The following NOS1 variants were observed in gnomAD, a reference collection of about 807,000 sequenced individuals.
NOS1 encodes the protein NOS type I.
In NOS1, 51 loss-of-function variants were observed where a neutral mutation model predicts 164.5. That is an observed-to-expected ratio of 0.31 (90% confidence interval 0.25 to 0.39). The LOEUF (loss-of-function observed/expected upper bound fraction) is 0.39. Among genes scored for constraint, NOS1 ranks in the 10% least tolerant of loss-of-function variants. The pLI is 1.00. For missense variants in NOS1, 1,362 were observed against 1,885.6 expected (o/e 0.72, Z 5.14); for synonymous variants, 719 against 745.8 (o/e 0.96, Z 0.59).
At chr12:117,230,878 G>T (rs967391676) in intron 22 of NOS1, among the ~76,000 whole-genome samples, 1 of 152,158 alleles carries the variant, frequency 6.6e-6, no homozygotes. Flanking sequence ...AATTTTGCAC[G>T]TTCTCATTCA....
chr12:117,332,939 A>C (rs816296), intron 1 of NOS1, among the ~76,000 whole-genome samples: 117,375 of 152,158 alleles, frequency 0.77, 45,699 homozygotes, highest in South Asian at 0.86. Context: ...GAAATGCTGG[A>C]ATCTTGCAAG....
chr12:117,244,412 A>G (rs1392233699), intron 18 of NOS1, among the ~76,000 whole-genome samples: 1 of 151,834 alleles, frequency 6.6e-6, no homozygotes, highest in African/African-American at 2.4e-5. Flanking sequence ...ATGCCCAGCT[A>G]ATTTTTAGTA....
chr12:117,225,787 G>A (rs1437533587), intron 24 of NOS1, among the ~76,000 whole-genome samples: 1 of 151,996 alleles, frequency 6.6e-6, no homozygotes, highest in Non-Finnish European at 1.5e-5. Flanking sequence ...CACCACCCTC[G>A]GCTACTTTTT....
intron 20 of NOS1, among the ~76,000 whole-genome samples, chr12:117,241,896 C>T (rs1870208380): frequency 6.6e-6 from 1 of 152,200 alleles, no homozygotes; most frequent in East Asian, 1.9e-4. Context: ...GTGACATTTC[C>T]AGCAGGACAG....
intron 2 of NOS1, among the ~76,000 whole-genome samples, chr12:117,327,804 G>C (rs1011434984): frequency 6.6e-6 from 1 of 152,170 alleles, no homozygotes; most frequent in Non-Finnish European, 1.5e-5. Flanking sequence ...AAAGGAGTAG[G>C]TTGGAGGGAA....
At chr12:117,297,137 C>T (rs1205251299) in intron 3 of NOS1, among the ~76,000 whole-genome samples, 1 of 152,220 alleles carries the variant, frequency 6.6e-6, no homozygotes, top group Admixed American at 6.5e-5. Flanking sequence ...AGTGAGTGAT[C>T]TTATCTCAGC....
chr12:117,316,169 A>G (rs929309812), intron 2 of NOS1, among the ~76,000 whole-genome samples: 1 of 152,150 alleles, frequency 6.6e-6, no homozygotes, highest in African/African-American at 2.4e-5. Context: ...CAGCCGCTGG[A>G]AACCTATTAA....
intron 20 of NOS1, among the ~76,000 whole-genome samples, chr12:117,240,136 A>C (rs1248194228): frequency 6.6e-6 from 1 of 152,200 alleles, no homozygotes; most frequent in African/African-American, 2.4e-5. Flanking sequence ...TTCTCATACA[A>C]TGCTACTTAA....
chr12:117,325,225 A>G (rs553366720), intron 2 of NOS1, among the ~76,000 whole-genome samples: 12 of 152,244 alleles, frequency 7.9e-5, no homozygotes, highest in African/African-American at 2.9e-4. Context: ...TGGAGAGGTC[A>G]CCGGGAGGAT....
At chr12:117,222,953 A>T (rs2135928143) in intron 25 of NOS1, 90 bp from the exon 26 acceptor site, 1 of 1,444,370 alleles carries the variant, frequency 6.9e-7, no homozygotes, top group East Asian at 2.3e-5. Flanking sequence ...CTGAGACCTT[A>T]GCGTGTGCCA....
At position 117,331,019 on chromosome 12, in the gene NOS1, A is replaced by G; in HGVS notation, c.51T>C (p.Ser17=). The part of the protein sequence containing the change: ...GVQQIQPNVI[S]VRLFKRKVGG... ...CAACTTTGCGCTTGAAGAGACGAAC[A>G]GAAATGACATTGGGCTGGATTTGCT... The change falls in exon 2 of 29, where the codon TCT becomes TCC. Residue 17 remains serine, a synonymous_variant. Coordinates refer to ENST00000317775, the MANE Select transcript of NOS1 (RefSeq NM_000620.5). 6.2e-7 allele frequency: 1 copy of G among 1,614,170 alleles called. No homozygotes were observed. Among genetic ancestry groups the G allele is most frequent in the Non-Finnish European group, 8.5e-7 (1 of 1,180,000 alleles).
intron 7 of NOS1, among the ~76,000 whole-genome samples, chr12:117,284,190 G>A (rs1873916100): frequency 6.6e-6 from 1 of 152,216 alleles, no homozygotes. Context: ...CCGGGCGCTT[G>A]TGGGAATATC....
chr12:117,279,196 G>A (rs1314051601), intron 8 of NOS1, among the ~76,000 whole-genome samples: 5 of 151,824 alleles, frequency 3.3e-5, no homozygotes, highest in Non-Finnish European at 1.5e-5. Context: ...GGCCAACATG[G>A]TGAAACCCTA....
At chr12:117,357,944 C>T (rs1386641318) in intron 1 of NOS1, among the ~76,000 whole-genome samples, 3 of 152,296 alleles carry the variant, frequency 2.0e-5, no homozygotes, top group East Asian at 3.9e-4. Flanking sequence ...AAAATGGGTC[C>T]TGAAATGCCA....
chr12:117,227,258 T>G (rs1012591449), intron 23 of NOS1, among the ~76,000 whole-genome samples, 173 bp downstream of exon 23: 1 of 152,172 alleles, frequency 6.6e-6, no homozygotes, highest in Non-Finnish European at 1.5e-5. Context: ...CAGGCTTGGC[T>G]CTGCACCAGG....
chr12:117,226,785 A>G lies in NOS1; in HGVS notation c.3617-15T>C, dbSNP rs1230993733. ...TCCTTCTCCATCTAGTAGAATAACC[A>G]AGGCAGTCAGGGCCACCCACTGCTC... is the stretch of plus-strand genomic sequence containing the variant. On this transcript the variant is annotated splice_polypyrimidine_tract_variant and intron_variant, in intron 23 of 28. Transcript: ENST00000317775. 6 of 1,610,350 alleles carry G rather than the reference A, an allele frequency of 3.7e-6. No individual in the cohort carries two copies. The East Asian group carries it at 1.3e-4, about 36-fold the overall frequency.
At chr12:117,232,417 G>A (rs1020229542) in intron 21 of NOS1, among the ~76,000 whole-genome samples, 26 of 152,144 alleles carry the variant, frequency 1.7e-4, no homozygotes, top group African/African-American at 6.3e-4. Context: ...TCTATACAAT[G>A]AGCCCCCAGC....
intron 1 of NOS1, among the ~76,000 whole-genome samples, chr12:117,350,785 C>T (rs959574994): frequency 2.0e-5 from 3 of 152,186 alleles, no homozygotes; most frequent in Non-Finnish European, 4.4e-5. Context: ...CCAAACTTAT[C>T]TGGGCTCCCG....
Position 117,243,533 on chromosome 12 carries a change from C to T in NOS1, c.2824-98G>A. The T allele has an allele frequency of 1.5e-6, 2 of 1,344,998 alleles. No individual in the cohort carries two copies. The highest frequency in any genetic ancestry group is 1.3e-5 in the South Asian group (1 of 74,112). The allele number at this position is 1,344,998 out of a possible 1,614,324, so 83.3% of individuals were successfully genotyped here. On this transcript the variant is annotated intron_variant, in intron 18 of 28. Coordinates refer to ENST00000317775, the MANE Select transcript of NOS1 (RefSeq NM_000620.5). This position sits in a 1 kb window ranked among gnomAD's most constrained non-coding sequence, Gnocchi z 4.3. The stretch of plus-strand genomic sequence containing the variant: ...GGCATGTATCTCTTCATTCACCCAT[C>T]CATCCATCTATCCAACCATCCATCC...
Sources: gnomAD v4.1 joint callset for allele counts (sites outside exome capture counted in the v4.1 genomes callset) on GRCh38, gnomAD v4.1.1 for gene constraint, Gnocchi (gnomAD v3.1) non-coding constraint, MANE v1.5 for transcripts, NCBI Gene and HGNC (gene_info 2026-07-23, HGNC 2026-07-21) for gene names.